Variants in NAALADL2 observed in about 807,000 individuals in gnomAD.
The protein encoded by NAALADL2 is N-acetylated alpha-linked acidic dipeptidase like 2.
NAALADL2 carries 76 observed loss-of-function variants against 87.2 expected under a neutral mutation model. That is an observed-to-expected ratio of 0.87 (90% CI 0.72 to 1.05). NAALADL2 has a LOEUF of 1.05. Ranked by LOEUF, NAALADL2 falls within the 50% of genes least tolerant of loss-of-function variation. NAALADL2 has a pLI of 0.00. For synonymous variants in NAALADL2, 354 were observed against 331.0 expected, an observed-to-expected ratio of 1.07 and a Z score of -0.75; for missense variants, 1,089 against 945.8, an observed-to-expected ratio of 1.15 and a Z score of -1.99.
At chr3:174,786,532 G>A (rs1021516866) in intron 3 of NAALADL2, among the ~76,000 whole-genome samples, 1 of 151,828 alleles carries the variant, frequency 6.6e-6, no homozygotes, top group Non-Finnish European at 1.5e-5. Flanking sequence ...TTTGGGTAGA[G>A]AGGATGATAG....
chr3:175,639,303 T>A (rs1406761368), intron 11 of NAALADL2, among the ~76,000 whole-genome samples: 1 of 150,712 alleles, frequency 6.6e-6, no homozygotes, highest in African/African-American at 2.5e-5. Context: ...GCAGTTTTTT[T>A]TCAAAAGCGT....
intron 11 of NAALADL2, among the ~76,000 whole-genome samples, chr3:175,709,235 T>A (rs1302827839): frequency 1.3e-5 from 2 of 152,126 alleles, no homozygotes; most frequent in Non-Finnish European, 2.9e-5. Context: ...TTTTAGCTCG[T>A]GATTATTCTG....
At chr3:175,412,213 T>C (rs535648616) in intron 5 of NAALADL2, among the ~76,000 whole-genome samples, 71 of 152,254 alleles carry the variant, frequency 4.7e-4, no homozygotes, top group African/African-American at 1.5e-3. Flanking sequence ...TACAGTCTTT[T>C]CCCCCCTTTT....
intron 4 of NAALADL2, among the ~76,000 whole-genome samples, chr3:175,302,527 A>G (rs932907517): frequency 6.6e-6 from 1 of 152,194 alleles, no homozygotes; most frequent in Non-Finnish European, 1.5e-5. Flanking sequence ...ACATTCATTC[A>G]TCTCCACATA....
intron 1 of NAALADL2, among the ~76,000 whole-genome samples, chr3:174,482,914 C>CT (rs986931621): frequency 2.0e-5 from 3 of 152,208 alleles, no homozygotes; most frequent in Admixed American, 6.6e-5. Flanking sequence ...ATCACTACCT[C>CT]TTTCTTTCCC....
chr3:174,788,609 T>C (rs1368050342), intron 3 of NAALADL2, among the ~76,000 whole-genome samples: 2 of 152,156 alleles, frequency 1.3e-5, no homozygotes, highest in Admixed American at 1.3e-4. Context: ...TTTAAAATTA[T>C]TTACCTTTTA....
intron 1 of NAALADL2, among the ~76,000 whole-genome samples, chr3:174,549,375 G>A (rs1287081648): frequency 3.3e-5 from 5 of 152,162 alleles, no homozygotes; most frequent in Non-Finnish European, 1.5e-5. Context: ...CAAGCCAGAT[G>A]TAGACTCCTT....
chr3:175,205,049 A>G (rs113030867), intron 2 of NAALADL2, among the ~76,000 whole-genome samples: 17 of 152,128 alleles, frequency 1.1e-4, no homozygotes, highest in African/African-American at 4.1e-4. Context: ...TACAAATTCA[A>G]TATAATTCCC....
intron 1 of NAALADL2, among the ~76,000 whole-genome samples, chr3:175,085,518 G>A (rs1718712272): frequency 6.6e-6 from 1 of 151,978 alleles, no homozygotes; most frequent in Non-Finnish European, 1.5e-5. Flanking sequence ...AATTACTCAG[G>A]AAACAAAGAG....
At chr3:175,375,700 G>A (rs978871159) in intron 5 of NAALADL2, among the ~76,000 whole-genome samples, 9 of 151,880 alleles carry the variant, frequency 5.9e-5, no homozygotes, top group South Asian at 2.1e-4. Flanking sequence ...AGTGAATTCC[G>A]CTGCTTTATC....
chr3:175,284,071 T>G (rs1754671037), intron 4 of NAALADL2, among the ~76,000 whole-genome samples: 1 of 152,052 alleles, frequency 6.6e-6, no homozygotes, highest in Non-Finnish European at 1.5e-5. Context: ...TTGGGTTTCT[T>G]CCCAACAATA....
intron 13 of NAALADL2, among the ~76,000 whole-genome samples, chr3:175,793,691 C>A (rs1753108445): frequency 6.6e-6 from 1 of 152,104 alleles, no homozygotes; most frequent in African/African-American, 2.4e-5. Flanking sequence ...AATTAAATAA[C>A]CTCATACCAT....
At chr3:175,473,438 A>G (rs1271286327) in intron 9 of NAALADL2, among the ~76,000 whole-genome samples, 3 of 151,942 alleles carry the variant, frequency 2.0e-5, no homozygotes, top group African/African-American at 7.2e-5. Flanking sequence ...GTATGTGTTC[A>G]TGTTTCACAG....
chr3:175,179,503 G>C (rs993524298), intron 2 of NAALADL2, among the ~76,000 whole-genome samples: 1 of 151,842 alleles, frequency 6.6e-6, no homozygotes, highest in Non-Finnish European at 1.5e-5. Context: ...GTAGCCTATG[G>C]AATTTTACTG....
At chr3:175,573,727 C>T (rs527765497) in intron 9 of NAALADL2, among the ~76,000 whole-genome samples, 1 of 152,116 alleles carries the variant, frequency 6.6e-6, no homozygotes, top group African/African-American at 2.4e-5. Context: ...TATAAAATCC[C>T]CAGGAGTCTT....
In NAALADL2 at chr3:175,091,996, G is replaced by A. The variant is rs73037301; in HGVS notation, c.44-4794G>A. On this transcript the variant is annotated intron_variant, in intron 1 of 13. Coordinates refer to ENST00000454872, the MANE Select transcript of NAALADL2 (RefSeq NM_207015.3). ...CATGTATTTTAAACTTGTAAGCTCCGAATATTTCTATTTTCTTAGCTCTAT... is the reference window on the plus strand; with the variant it reads ...CATGTATTTTAAACTTGTAAGCTCCAAATATTTCTATTTTCTTAGCTCTAT... 6.2e-3 allele frequency among the ~76,000 whole-genome samples: 940 copies of A among 151,786 alleles called. 8 individuals carry two copies. Among genetic ancestry groups the A allele is most frequent in the African/African-American group, 0.021 (879 of 41,454 alleles).
At chr3:175,621,992 G>C (rs1432790814) in intron 10 of NAALADL2, among the ~76,000 whole-genome samples, 2 of 152,062 alleles carry the variant, frequency 1.3e-5, no homozygotes, top group African/African-American at 4.8e-5. Flanking sequence ...CTTTGTTTCA[G>C]TTTCCTATTA....
chr3:175,759,098 C>G (rs1747650013), intron 13 of NAALADL2, among the ~76,000 whole-genome samples: 4 of 152,036 alleles, frequency 2.6e-5, no homozygotes, highest in Non-Finnish European at 5.9e-5. Context: ...ATTTTGAATC[C>G]TATGATGTTG....
intron 2 of NAALADL2, among the ~76,000 whole-genome samples, chr3:175,134,224 G>A (rs1480945293): frequency 6.6e-6 from 1 of 152,186 alleles, no homozygotes; most frequent in Admixed American, 6.5e-5. Context: ...TATCAGTAAA[G>A]AAAATGAGTT....
Sources: gnomAD v4.1 joint callset for allele counts (sites outside exome capture counted in the v4.1 genomes callset) on GRCh38, gnomAD v4.1.1 for gene constraint, MANE v1.5 for transcripts, NCBI Gene and HGNC (gene_info 2026-07-23, HGNC 2026-07-21) for gene names.